The following CLCN3 variants were observed in gnomAD, a reference collection of about 807,000 sequenced individuals.
CLCN3 encodes Cl-/H+ antiporter 3.
CLCN3 carries 16 observed loss-of-function variants against 83.4 expected under a neutral mutation model. The observed-to-expected ratio is 0.19, with a 90% CI of 0.13 to 0.29. The LOEUF is 0.29. Ranked by LOEUF, CLCN3 falls within the 10% of genes least tolerant of loss-of-function variation. The pLI is 1.00. For missense variants in CLCN3, 544 were observed against 1,006.0 expected (o/e 0.54, Z 6.21); for synonymous variants, 322 against 346.2 (o/e 0.93, Z 0.78).
chr4:169,662,424 A>AT (rs1405271794), intron 2 of CLCN3, among the ~76,000 whole-genome samples: 2 of 152,104 alleles, frequency 1.3e-5, no homozygotes, highest in African/African-American at 2.4e-5. Flanking sequence ...GTAAGATGTT[A>AT]TTTTTTGTCC....
rs1773100871 is a variant in CLCN3 at position 169,621,066 on chromosome 4, G to A, written c.-17+3G>A. 2.5e-6 allele frequency: 1 copy of A among 397,212 alleles called. No homozygotes were observed. Among genetic ancestry groups the A allele is most frequent in the Non-Finnish European group, 4.4e-6 (1 of 225,736 alleles). 24.6% of individuals were successfully genotyped at this position (397,212 alleles called of 1,614,324 possible). A position where few individuals can be genotyped will look rare whatever the true frequency, so the allele number is the denominator to read the frequency against. On this transcript the variant is annotated splice_donor_region_variant and intron_variant, in intron 1 of 12. Coordinates refer to ENST00000513761, the MANE Select transcript of CLCN3 (RefSeq NM_001829.4). ...TTGCTATGTCTCTGAGCTGCGAGGT[G>A]AGTTGCATTGTATGAGCGAAGAGTT...
intron 12 of CLCN3, among the ~76,000 whole-genome samples, chr4:169,713,537 A>G (rs1733306761): frequency 6.6e-6 from 1 of 152,210 alleles, no homozygotes; most frequent in Non-Finnish European, 1.5e-5. Flanking sequence ...CAAAGTTGGA[A>G]AAGAGGTGCT....
chr4:169,712,731 G>T (rs1476402794), intron 11 of CLCN3, among the ~76,000 whole-genome samples: 1 of 152,142 alleles, frequency 6.6e-6, no homozygotes. Context: ...AATAAACTGC[G>T]CTCAGAATTT....
intron 2 of CLCN3, among the ~76,000 whole-genome samples, chr4:169,662,194 CATAA>C (rs1162278913): frequency 1.3e-5 from 2 of 152,140 alleles, no homozygotes; most frequent in Non-Finnish European, 2.9e-5. Flanking sequence ...ATTATACTTT[CATAA>C]ATAATCCTTT....
chr4:169,651,541 A>G (rs545352348), intron 2 of CLCN3, among the ~76,000 whole-genome samples: 2 of 152,306 alleles, frequency 1.3e-5, no homozygotes, highest in Non-Finnish European at 2.9e-5. Context: ...GTATTTGCAT[A>G]TCACCTACAC....
At chr4:169,670,265 C>G (rs879866160) in intron 2 of CLCN3, among the ~76,000 whole-genome samples, 1 of 152,108 alleles carries the variant, frequency 6.6e-6, no homozygotes, top group Non-Finnish European at 1.5e-5. Context: ...AGCCTCAAAT[C>G]GATCTTGAGT....
intron 11 of CLCN3, among the ~76,000 whole-genome samples, chr4:169,710,374 T>C (rs916551181): frequency 2.4e-4 from 37 of 152,164 alleles, no homozygotes; most frequent in Non-Finnish European, 5.9e-5. Context: ...CCGGTGATCC[T>C]CCCACTTCAC....
chr4:169,625,224 C>T (rs1259922628), intron 1 of CLCN3, among the ~76,000 whole-genome samples: 2 of 152,198 alleles, frequency 1.3e-5, no homozygotes, highest in African/African-American at 4.8e-5. Context: ...ACTTTTGTTC[C>T]ATCTCTCTAG....
At chr4:169,628,473 C>G (rs897680488) in intron 1 of CLCN3, among the ~76,000 whole-genome samples, 19 of 152,066 alleles carry the variant, frequency 1.2e-4, no homozygotes, top group South Asian at 2.1e-4. Flanking sequence ...TGAAAGCAGT[C>G]CAGCTAGAAA....
At chr4:169,693,534 A>G (rs2150251955) in intron 7 of CLCN3, among the ~76,000 whole-genome samples, 1 of 152,308 alleles carries the variant, frequency 6.6e-6, no homozygotes, top group East Asian at 1.9e-4. Context: ...ACGTAGGTTA[A>G]AATTCATTTT....
chr4:169,622,012 C>T (rs1440148257), intron 1 of CLCN3, among the ~76,000 whole-genome samples: 1 of 152,148 alleles, frequency 6.6e-6, no homozygotes, highest in Non-Finnish European at 1.5e-5. Context: ...GATATTTTCT[C>T]AACTTGAATA....
intron 3 of CLCN3, among the ~76,000 whole-genome samples, chr4:169,683,902 C>G (rs1176018853): frequency 6.6e-6 from 1 of 152,176 alleles, no homozygotes; most frequent in Admixed American, 6.5e-5. Context: ...CGCCACCACA[C>G]TGGCTAATTT....
In CLCN3 at chr4:169,620,703, C is replaced by G. The variant is rs1465398530; in HGVS notation, c.-377C>G. ...GTGTGGTGGGTTGAAAGCCATCCTA[C>G]TTTACTCCCGAGTTAGAGCATGGAT... On this transcript the variant is annotated 5_prime_UTR_variant, in exon 1 of 13. Coordinates refer to ENST00000513761, the MANE Select transcript of CLCN3 (RefSeq NM_001829.4). 2.0e-5 allele frequency: 8 copies of G among 398,530 alleles called. No homozygotes were observed. The highest frequency in any genetic ancestry group is 6.2e-4 in the Middle Eastern group (1 of 1,612). 24.7% of individuals were successfully genotyped at this position (398,530 alleles called of 1,614,324 possible).
intron 1 of CLCN3, among the ~76,000 whole-genome samples, chr4:169,634,434 G>T (rs995646490): frequency 6.6e-6 from 1 of 152,116 alleles, no homozygotes; most frequent in African/African-American, 2.4e-5. Context: ...AAGCCTTTTG[G>T]TAATTTTCTC....
chr4:169,644,248 A>T (rs1401933121), intron 2 of CLCN3, among the ~76,000 whole-genome samples: 15 of 151,896 alleles, frequency 9.9e-5, no homozygotes. Flanking sequence ...GATGAAAAAT[A>T]TAACAACTGC....
intron 8 of CLCN3, 54 bp downstream of exon 8, chr4:169,695,746 T>C (rs1008064536): frequency 3.0e-5 from 37 of 1,217,748 alleles, no homozygotes; most frequent in Non-Finnish European, 4.3e-5. Flanking sequence ...ATTACAAATA[T>C]ATTTCACACA....
In CLCN3 at chr4:169,704,146, C is replaced by T. The variant is rs1732900459; in HGVS notation, c.1712C>T (p.Pro571Leu). 6.2e-7 allele frequency: 1 copy of T among 1,613,532 alleles called. No individual in the cohort carries two copies. The highest frequency in any genetic ancestry group is 1.3e-5 in the African/African-American group (1 of 74,882). The part of the protein sequence containing the change: ...WCEVGADCIT[P>L]GLYAMVGAAA... Reference sequence around the variant, plus strand: ...GAGGTCGGGGCTGATTGCATTACACCTGGCCTTTATGCCATGGTTGGTGCT... The same window carrying T: ...GAGGTCGGGGCTGATTGCATTACACTTGGCCTTTATGCCATGGTTGGTGCT... The change falls in exon 10 of 13, where the codon CCT (proline) becomes CTT (leucine). Residue 571 changes from proline to leucine, a missense_variant. This residue lies in a region of CLCN3 where 27 missense variants were observed against 100.2 expected (regional missense o/e 0.27). Coordinates refer to ENST00000513761, the MANE Select transcript of CLCN3 (RefSeq NM_001829.4).
intron 6 of CLCN3, among the ~76,000 whole-genome samples, chr4:169,691,612 TAAG>T (rs1732376182): frequency 6.6e-6 from 1 of 152,206 alleles, no homozygotes; most frequent in Non-Finnish European, 1.5e-5. Flanking sequence ...AAGTTTGTAT[TAAG>T]AATATCTTTC....
chr4:169,665,167 A>G (rs1380165924), intron 2 of CLCN3, among the ~76,000 whole-genome samples: 2 of 152,224 alleles, frequency 1.3e-5, no homozygotes, highest in Non-Finnish European at 2.9e-5. Flanking sequence ...CTTGTTTCCA[A>G]TTACACAGAT....
Sources: allele counts gnomAD v4.1 joint callset (sites outside exome capture counted in the v4.1 genomes callset), GRCh38; gene constraint gnomAD v4.1.1; regional missense constraint gnomAD v4.1.1; transcripts MANE v1.5; gene names NCBI Gene and HGNC (gene_info 2026-07-23, HGNC 2026-07-21).